THEMIS: variants seen among roughly 807,000 people sequenced by gnomAD.
The protein encoded by THEMIS is protein THEMIS.
A neutral mutation model predicts 52.6 loss-of-function variants in THEMIS; 37 were observed. That is an observed-to-expected ratio of 0.70 (90% CI 0.54 to 0.93). The LOEUF is 0.93. THEMIS is among the 40% of genes least tolerant of loss of function. The pLI, the probability that THEMIS is intolerant of heterozygous loss-of-function variation, is 0.00. For synonymous variants in THEMIS, 292 were observed against 272.7 expected (o/e 1.07, Z -0.70); for missense variants, 808 against 763.1 (o/e 1.06, Z -0.69).
At chr6:127,792,714 A>ATTTAG (rs916558122) in intron 4 of THEMIS, among the ~76,000 whole-genome samples, 2 of 152,102 alleles carry the variant, frequency 1.3e-5, no homozygotes, top group African/African-American at 4.8e-5. Context: ...ATGATTCGAG[A>ATTTAG]TTTAGTTTTC....
chr6:127,795,214 T>C (rs1777286427), intron 4 of THEMIS, among the ~76,000 whole-genome samples: 1 of 152,152 alleles, frequency 6.6e-6, no homozygotes, highest in African/African-American at 2.4e-5. Context: ...TTTAGCTAAA[T>C]AGAATAGAAA....
intron 3 of THEMIS, among the ~76,000 whole-genome samples, chr6:127,827,628 A>T (rs920771988): frequency 5.3e-5 from 8 of 152,190 alleles, no homozygotes; most frequent in African/African-American, 1.9e-4. Flanking sequence ...CTGCACTTCC[A>T]TCCAGTAGAT....
chr6:127,706,671 T>C (rs1773804248), downstream of THEMIS, among the ~76,000 whole-genome samples: 1 of 151,870 alleles, frequency 6.6e-6, no homozygotes. Context: ...ATGGAGAAAA[T>C]TAAGGCAGGG....
In THEMIS at chr6:127,910,608, T is replaced by TA. The variant is rs1198543344; in HGVS notation, c.-150+7819dup. Among the ~76,000 whole-genome samples, 7 of 152,140 alleles carry TA rather than the reference T, an allele frequency of 4.6e-5. No homozygotes were observed. The East Asian group carries it at 1.3e-3, about 29-fold the overall frequency. ...TACATTTGAAATGGAGTTTATAAAA[T>TA]ACAGCAACCATAATTTTTTAAAATA... On this transcript the variant is annotated intron_variant, in intron 1 of 6. Coordinates refer to the THEMIS transcript ENST00000368250.
intron 4 of THEMIS, among the ~76,000 whole-genome samples, chr6:127,748,532 A>T (rs1775527155): frequency 6.6e-6 from 1 of 151,976 alleles, no homozygotes; most frequent in Admixed American, 6.6e-5. Context: ...TGACCTAATC[A>T]CCTCTTAAAG....
At chr6:127,906,399 C>G (rs1206639558) in intron 1 of THEMIS, among the ~76,000 whole-genome samples, 2 of 151,664 alleles carry the variant, frequency 1.3e-5, no homozygotes, top group East Asian at 3.9e-4. Flanking sequence ...GAGTAAAAAC[C>G]AACCTGACAG....
intron 1 of THEMIS, among the ~76,000 whole-genome samples, chr6:127,888,068 T>C (rs561928477): frequency 6.6e-6 from 1 of 152,178 alleles, no homozygotes; most frequent in African/African-American, 2.4e-5. Flanking sequence ...GTCAAGTCGA[T>C]GTCCTGAAGA....
intron 3 of THEMIS, among the ~76,000 whole-genome samples, chr6:127,825,660 C>T (rs1285057198): frequency 2.6e-5 from 4 of 152,100 alleles, no homozygotes; most frequent in Non-Finnish European, 5.9e-5. Flanking sequence ...AAATGGAATT[C>T]CCAGGGCAGC....
At chr6:127,900,726 C>T (rs776420684) in intron 1 of THEMIS, 116 bp downstream of exon 1, 12 of 868,010 alleles carry the variant, frequency 1.4e-5, no homozygotes, top group Admixed American at 2.1e-5. Context: ...CTTTTGTGAT[C>T]GCCTTTCCTT....
Position 127,813,231 on chromosome 6 carries a change from C to T in THEMIS, c.1410G>A (p.Glu470=), listed in dbSNP as rs373727149. The change falls in exon 4 of 6, where the codon GAG becomes GAA. Residue 470 remains glutamate (E), a synonymous_variant. Transcript: ENST00000368248. ...KVSVRDLSIE[E]DVLAATPGLQ... ...GTCCTGGTGTGGCAGCCAACACGTC[C>T]TCTTCAATGGAAAGATCCCTGACAG... The T allele has an allele frequency of 1.2e-6, 2 of 1,613,988 alleles. No individual in the cohort carries two copies. Among genetic ancestry groups the T allele is most frequent in the African/African-American group, 1.3e-5 (1 of 74,918 alleles).
At chr6:127,740,698 G>A (rs1775173707) in intron 4 of THEMIS, among the ~76,000 whole-genome samples, 1 of 152,116 alleles carries the variant, frequency 6.6e-6, no homozygotes, top group Non-Finnish European at 1.5e-5. Flanking sequence ...TGGAGAAGAA[G>A]AGAATTTATA....
chr6:127,789,828 C>T (rs1285266603), intron 4 of THEMIS, among the ~76,000 whole-genome samples: 5 of 152,154 alleles, frequency 3.3e-5, no homozygotes, highest in Non-Finnish European at 7.4e-5. Flanking sequence ...ACTCAACACC[C>T]CTTCATGCTA....
intron 1 of THEMIS, among the ~76,000 whole-genome samples, chr6:127,859,458 T>C (rs1463371159): frequency 1.3e-5 from 2 of 152,116 alleles, no homozygotes; most frequent in Non-Finnish European, 2.9e-5. Flanking sequence ...ATCTTAACTA[T>C]ATGTATACCT....
intron 4 of THEMIS, among the ~76,000 whole-genome samples, chr6:127,750,487 C>T (rs1775602738): frequency 6.6e-6 from 1 of 151,678 alleles, no homozygotes; most frequent in Admixed American, 6.6e-5. Context: ...TAATCCATGC[C>T]TGATCATAAA....
chr6:127,903,103 G>T (rs964246024), upstream of THEMIS, among the ~76,000 whole-genome samples: 17 of 152,018 alleles, frequency 1.1e-4, no homozygotes, highest in African/African-American at 4.1e-4. Context: ...AAGCCGGAAG[G>T]CTTAGAATCA....
At position 127,734,965 on chromosome 6, in the gene THEMIS, G is replaced by A. The variant is rs1774951856; in HGVS notation, c.1759-15142C>T. 3.6e-5 allele frequency among the ~76,000 whole-genome samples: 5 copies of A among 140,586 alleles called. No individual in the cohort carries two copies. In the South Asian group the frequency reaches 1.1e-3, roughly 32 times the overall value. 92.2% of individuals were successfully genotyped at this position (140,586 alleles called of 152,430 possible). A position where few individuals can be genotyped will look rare whatever the true frequency, so the allele number is the denominator to read the frequency against. On this transcript the variant is annotated intron_variant, in intron 4 of 5. Coordinates refer to ENST00000368248, the MANE Select transcript of THEMIS (RefSeq NM_001010923.3). ...TGTATATATATACATATATGTGTGTGTGTATATGTGTGTGTATATATATAT... is the reference window on the plus strand; with the variant it reads ...TGTATATATATACATATATGTGTGTATGTATATGTGTGTGTATATATATAT...
At chr6:127,838,518 T>C (rs1778943772) in intron 2 of THEMIS, among the ~76,000 whole-genome samples, 1 of 152,062 alleles carries the variant, frequency 6.6e-6, no homozygotes, top group South Asian at 2.1e-4. Context: ...CCTCATTTTT[T>C]TACTTTATGA....
intron 1 of THEMIS, among the ~76,000 whole-genome samples, chr6:127,917,453 T>C (rs1179073148): frequency 1.3e-5 from 2 of 152,234 alleles, no homozygotes; most frequent in African/African-American, 4.8e-5. Flanking sequence ...ACCGGGGCAG[T>C]AGAATCTGGA....
intron 1 of THEMIS, among the ~76,000 whole-genome samples, chr6:127,897,415 A>T (rs1396827435): frequency 6.6e-6 from 1 of 151,488 alleles, no homozygotes; most frequent in Non-Finnish European, 1.5e-5. Context: ...TCCCAAATAT[A>T]TATATACACA....
Sources: allele counts gnomAD v4.1 joint callset (sites outside exome capture counted in the v4.1 genomes callset), GRCh38; gene constraint gnomAD v4.1.1; transcripts MANE v1.5; gene names NCBI Gene and HGNC (gene_info 2026-07-23, HGNC 2026-07-21).